Variants in KXD1 observed in about 807,000 individuals in gnomAD.
The protein encoded by KXD1 is KxDL motif containing 1, also known as kxDL motif-containing protein 1.
KXD1 carries 5 observed loss-of-function variants against 12.1 expected under a neutral mutation model. The ratio of observed to expected loss-of-function variants is 0.41; its 90% CI spans 0.22 to 0.87. KXD1 has a LOEUF of 0.87. Among genes scored for constraint, KXD1 ranks in the 40% least tolerant of loss-of-function variants. KXD1 has a pLI of 0.31. For missense variants in KXD1, 193 were observed against 244.9 expected (o/e 0.79, Z 1.41); for synonymous variants, 98 against 100.5 (o/e 0.98, Z 0.15).
intron 3 of KXD1, among the ~76,000 whole-genome samples, chr19:18,565,835 A>G (rs561776723): frequency 6.6e-4 from 100 of 152,220 alleles, no homozygotes; most frequent in South Asian, 3.7e-3. Flanking sequence ...CTACAGGCGC[A>G]TGCTGCCACG....
At chr19:18,561,517 G>C (rs1974915911) in intron 1 of KXD1, 1 of 152,572 alleles carries the variant, frequency 6.6e-6, no homozygotes, top group Non-Finnish European at 1.5e-5. Flanking sequence ...TCGCGCCATT[G>C]CACTCCAGCC....
chr19:18,568,265 C>CA (rs397859705), intron 4 of KXD1, 137 bp from the exon 5 acceptor site: 25,332 of 498,456 alleles, frequency 0.051, 11 homozygotes, highest in Middle Eastern at 0.058. Flanking sequence ...AACTCCGTCT[C>CA]AAAAAAAAAA....
intron 2 of KXD1, 149 bp downstream of exon 2, chr19:18,562,306 C>T: frequency 3.1e-6 from 2 of 653,608 alleles, no homozygotes; most frequent in Non-Finnish European, 2.6e-6. Context: ...AAATTCCTTC[C>T]CGGCCTGGAG....
intron 3 of KXD1, among the ~76,000 whole-genome samples, chr19:18,566,003 A>AT (rs1975205845): frequency 2.0e-5 from 3 of 151,948 alleles, no homozygotes; most frequent in South Asian, 2.1e-4. Context: ...TAATTTTTGT[A>AT]TTTTTTTAGT....
chr19:18,565,250 G>A, intron 3 of KXD1: 2 of 1,188,050 alleles, frequency 1.7e-6, no homozygotes, highest in Non-Finnish European at 2.2e-6. Context: ...TTTTTTTGGA[G>A]ACGGAGTCTC....
In KXD1 at chr19:18,568,795, G is replaced by A. The variant is rs1025863686; in HGVS notation, c.*164G>A. 7 of 604,962 alleles carry A rather than the reference G, an allele frequency of 1.2e-5. No homozygotes were observed. The Admixed American group carries it at 1.5e-4, about 13-fold the overall frequency. The allele number at this position is 604,962 out of a possible 1,614,324, so 37.5% of individuals were successfully genotyped here. A position where few individuals can be genotyped will look rare whatever the true frequency, so the allele number is the denominator to read the frequency against. On this transcript the variant is annotated 3_prime_UTR_variant, in exon 5 of 5. Coordinates refer to ENST00000222307, the MANE Select transcript of KXD1 (RefSeq NM_024069.4). ...TCTCCCGAGGGGTGTGGAATTCCTG[G>A]GGGGGTCTTTAATTCTGGCTCCTTC...
intron 1 of KXD1, 47 bp from the exon 2 acceptor site, chr19:18,561,989 C>G: frequency 7.6e-7 from 1 of 1,319,376 alleles, no homozygotes; most frequent in Non-Finnish European, 1.1e-6. Context: ...CTTGGTCCCA[C>G]CTCACCTGGT....
intron 4 of KXD1, 109 bp from the exon 5 acceptor site, chr19:18,568,293 C>A (rs879161344): frequency 8.2e-5 from 58 of 709,432 alleles, no homozygotes; most frequent in Non-Finnish European, 1.3e-4. Context: ...AGGGTCAAGT[C>A]ATACCCCCAT....
chr19:18,567,134 C>T lies in KXD1; in HGVS notation c.257C>T (p.Thr86Met), dbSNP rs778930671. The change falls in exon 4 of 5, where the codon ACG becomes ATG. Residue 86 changes from threonine (T) to methionine (M), a missense_variant and splice_region_variant. Transcript: ENST00000222307. The stretch of plus-strand genomic sequence containing the variant: ...TGTGTGCCTTCTCTCCCCTGCAGGA[C>T]GCTGAAAGGGAAACTGGCCAGGCAG... Reference protein sequence around the residue: ...DLDSIFRRIRTLKGKLARQHP... With the variant: ...DLDSIFRRIRMLKGKLARQHP... 2.4e-5 allele frequency: 39 copies of T among 1,613,954 alleles called. No homozygotes were observed. Among genetic ancestry groups the T allele is most frequent in the Middle Eastern group, 3.3e-4 (2 of 6,084 alleles).
At chr19:18,567,045 C>G in intron 3 of KXD1, 87 bp from the exon 4 acceptor site, 1 of 1,261,336 alleles carries the variant, frequency 7.9e-7, no homozygotes, top group South Asian at 1.2e-5. Context: ...CCCTTGCCCT[C>G]AGCTGGCAGC....
intron 1 of KXD1, chr19:18,558,420 C>T (rs1056415594): frequency 6.6e-6 from 1 of 152,150 alleles, no homozygotes; most frequent in Non-Finnish European, 1.5e-5. Flanking sequence ...GTGTCTGCCT[C>T]GTAACGGTGA....
chr19:18,566,896 C>G (rs988032337), intron 3 of KXD1, among the ~76,000 whole-genome samples: 1 of 152,198 alleles, frequency 6.6e-6, no homozygotes, highest in Admixed American at 6.5e-5. Context: ...CAGAGTCTAA[C>G]TAGTTGGGGG....
chr19:18,567,903 C>T (rs1049870137), intron 4 of KXD1, among the ~76,000 whole-genome samples: 7 of 152,172 alleles, frequency 4.6e-5, no homozygotes, highest in Admixed American at 2.0e-4. Context: ...TCTTGTGTCC[C>T]TTCCTCACCT....
intron 1 of KXD1, chr19:18,559,388 G>A (rs562906540): frequency 6.6e-6 from 1 of 152,264 alleles, no homozygotes; most frequent in Admixed American, 6.5e-5. Flanking sequence ...TTATTAGAGG[G>A]AAGGGGGTTT....
chr19:18,568,241 T>C (rs1600599410), intron 4 of KXD1, among the ~76,000 whole-genome samples, 161 bp from the exon 5 acceptor site: 1 of 130,332 alleles, frequency 7.7e-6, no homozygotes, highest in Non-Finnish European at 1.6e-5. Flanking sequence ...CACTCTAGCC[T>C]GGGCAAAGAG....
chr19:18,560,348 T>C (rs1398148528), intron 1 of KXD1: 1 of 152,130 alleles, frequency 6.6e-6, no homozygotes, highest in Non-Finnish European at 1.5e-5. Context: ...CGTCTCTGTT[T>C]CTTGGCTATT....
chr19:18,558,062 C>G (rs182180568), intron 1 of KXD1, 148 bp downstream of exon 1: 1 of 152,422 alleles, frequency 6.6e-6, no homozygotes, highest in South Asian at 2.1e-4. Context: ...CTGCTGCGCA[C>G]AGGCCTCAGT....
At chr19:18,561,446 T>C (rs11086116) in intron 1 of KXD1, 126,301 of 152,340 alleles carry the variant, frequency 0.83, 52,852 homozygotes, top group African/African-American at 0.94. Context: ...CCCAGCTACT[T>C]GGGAGGGTGA....
intron 3 of KXD1, among the ~76,000 whole-genome samples, chr19:18,566,384 C>T (rs1975230676): frequency 8.2e-6 from 1 of 122,390 alleles, no homozygotes; most frequent in Admixed American, 8.6e-5. Context: ...AGGAGAATGG[C>T]ATGAACCCAG....
Sources: gnomAD v4.1 joint callset for allele counts (sites outside exome capture counted in the v4.1 genomes callset) on GRCh38, gnomAD v4.1.1 for gene constraint, MANE v1.5 for transcripts, NCBI Gene and HGNC (gene_info 2026-07-23, HGNC 2026-07-21) for gene names.